The following RSAD2 variants were observed in gnomAD, a reference collection of about 807,000 sequenced individuals.
The protein encoded by RSAD2 is radical S-adenosyl methionine domain containing 2.
Under a neutral mutation model 37.7 loss-of-function variants are expected in RSAD2, and 38 were observed. The observed-to-expected ratio is 1.01, with a 90% CI of 0.78 to 1.32. RSAD2 has a LOEUF of 1.32. Among genes scored for constraint, RSAD2 ranks in the 40% most tolerant of loss-of-function variants. The pLI is 0.00. For missense variants in RSAD2, 428 were observed against 437.5 expected (o/e 0.98, Z 0.19); for synonymous variants, 163 against 157.4 (o/e 1.04, Z -0.27).
At chr2:6,881,218 C>T (rs56396706) in intron 1 of RSAD2, among the ~76,000 whole-genome samples, 7,654 of 152,134 alleles carry the variant, frequency 0.05, 279 homozygotes, top group Non-Finnish European at 0.082. Context: ...GTTTTGTTTT[C>T]GGGTTATAAT....
chr2:6,890,833 C>T (rs1663615926), intron 4 of RSAD2, among the ~76,000 whole-genome samples: 1 of 152,090 alleles, frequency 6.6e-6, no homozygotes, highest in Non-Finnish European at 1.5e-5. Flanking sequence ...CCTATTAGCA[C>T]AAATTTCATA....
chr2:6,877,645 T>G, upstream of RSAD2: 1 of 612,258 alleles, frequency 1.6e-6, no homozygotes, highest in East Asian at 2.8e-5. Flanking sequence ...CAGTTTCACA[T>G]GTGGAAAAAT....
chr2:6,891,493 C>A (rs1259138746), intron 4 of RSAD2, among the ~76,000 whole-genome samples: 1 of 152,140 alleles, frequency 6.6e-6, no homozygotes, highest in Non-Finnish European at 1.5e-5. Context: ...ACCGGCCGGG[C>A]GCGGTGGCTC....
intron 1 of RSAD2, among the ~76,000 whole-genome samples, chr2:6,869,350 C>A (rs906176432): frequency 1.3e-5 from 2 of 151,566 alleles, no homozygotes; most frequent in Non-Finnish European, 2.9e-5. Context: ...CTTGAGACAT[C>A]CACACATGCA....
At position 6,886,935 on chromosome 2, in the gene RSAD2, G is replaced by T; in HGVS notation, c.509G>T (p.Gly170Val). ...LIRERWFQNYGEYLDILAISC... is the reference protein window; with the variant it reads ...LIRERWFQNYVEYLDILAISC... ...TTTAAACATGATCATTTTCCCTCAG[G>T]TGAGTATTTGGACATTCTCGCTATC... The change falls in exon 3 of 6, where the codon GGT becomes GTT. Residue 170 changes from glycine to valine, a missense_variant and splice_region_variant. Coordinates refer to ENST00000382040, the MANE Select transcript of RSAD2 (RefSeq NM_080657.5). The T allele has an allele frequency of 6.2e-7, 1 of 1,612,364 alleles. No homozygotes were observed. The highest frequency in any genetic ancestry group is 1.1e-5 in the South Asian group (1 of 91,034).
At chr2:6,881,746 C>G (rs570255292) in intron 1 of RSAD2, among the ~76,000 whole-genome samples, 3 of 151,800 alleles carry the variant, frequency 2.0e-5, no homozygotes, top group Non-Finnish European at 4.4e-5. Context: ...GTCCATCTTC[C>G]TAGAATGCAG....
chr2:6,871,356 G>C (rs930879965), intron 1 of RSAD2, among the ~76,000 whole-genome samples: 2 of 152,112 alleles, frequency 1.3e-5, no homozygotes, highest in Middle Eastern at 3.2e-3. Flanking sequence ...TTAAGAAAAG[G>C]TTCTAAACTA....
At chr2:6,869,647 C>T (rs1369795497) in intron 1 of RSAD2, among the ~76,000 whole-genome samples, 3 of 152,164 alleles carry the variant, frequency 2.0e-5, no homozygotes, top group Non-Finnish European at 4.4e-5. Flanking sequence ...AGGATTGGAA[C>T]ATGCATATCA....
At chr2:6,890,994 T>TA (rs1386387533) in intron 4 of RSAD2, among the ~76,000 whole-genome samples, 3 of 151,952 alleles carry the variant, frequency 2.0e-5, no homozygotes, top group Non-Finnish European at 4.4e-5. Flanking sequence ...ATACAAACTT[T>TA]AAAAAAATTA....
At chr2:6,866,541 A>G (rs748240528) in intron 1 of RSAD2, 87 of 915,120 alleles carry the variant, frequency 9.5e-5, no homozygotes, top group Non-Finnish European at 1.1e-4. Context: ...ACCAAATTGA[A>G]GTTTCCTGCA....
chr2:6,886,918 T>C lies in RSAD2; in HGVS notation c.509-17T>C. ...GTCCTTGGATAGAAAAGTTTAAACA[T>C]GATCATTTTCCCTCAGGTGAGTATT... On this transcript the variant is annotated splice_polypyrimidine_tract_variant and intron_variant, in intron 2 of 5. Transcript: ENST00000382040. 1 of 1,600,782 alleles carries C rather than the reference T, an allele frequency of 6.2e-7. No individual in the cohort carries two copies. The highest frequency in any genetic ancestry group is 8.6e-7 in the Non-Finnish European group (1 of 1,168,234).
chr2:6,893,968 G>A (rs1003210517), intron 5 of RSAD2, among the ~76,000 whole-genome samples: 1 of 152,210 alleles, frequency 6.6e-6, no homozygotes, highest in Non-Finnish European at 1.5e-5. Flanking sequence ...TGTCTGCCAT[G>A]TAACTATGCA....
At chr2:6,892,365 C>G (rs1558338474) in intron 4 of RSAD2, among the ~76,000 whole-genome samples, 1 of 152,170 alleles carries the variant, frequency 6.6e-6, no homozygotes, top group Non-Finnish European at 1.5e-5. Flanking sequence ...AGGTTTTCCT[C>G]TATGCACTAT....
At chr2:6,868,965 G>A (rs185297414) in intron 1 of RSAD2, among the ~76,000 whole-genome samples, 12 of 152,312 alleles carry the variant, frequency 7.9e-5, no homozygotes, top group African/African-American at 2.6e-4. Flanking sequence ...TTGCACAAAC[G>A]TCAAGATTAA....
chr2:6,893,746 T>C, intron 5 of RSAD2, 43 bp downstream of exon 5: 2 of 1,351,136 alleles, frequency 1.5e-6, no homozygotes, highest in East Asian at 2.3e-5. Flanking sequence ...CTTAATTAAT[T>C]AATTAGCAGT....
At chr2:6,878,822 A>G in intron 1 of RSAD2, 1 of 1,206,994 alleles carries the variant, frequency 8.3e-7, no homozygotes, top group Non-Finnish European at 1.1e-6. Flanking sequence ...TTCCTAGAGT[A>G]CCTTCTCAAC....
intron 1 of RSAD2, among the ~76,000 whole-genome samples, chr2:6,882,010 A>AT (rs1663415973): frequency 6.6e-6 from 1 of 152,250 alleles, no homozygotes; most frequent in South Asian, 2.1e-4. Context: ...TGCAAGAGAC[A>AT]TGTTTTCTTC....
upstream of RSAD2, among the ~76,000 whole-genome samples, chr2:6,876,435 G>A (rs1211603416): frequency 2.0e-5 from 3 of 152,178 alleles, no homozygotes; most frequent in Admixed American, 2.0e-4. Context: ...GGGGAACCAA[G>A]TTAACCCAAA....
intron 5 of RSAD2, among the ~76,000 whole-genome samples, chr2:6,894,405 T>C (rs1421667320): frequency 6.6e-6 from 1 of 152,220 alleles, no homozygotes; most frequent in African/African-American, 2.4e-5. Flanking sequence ...GAATTCCATA[T>C]TTAAATTGGA....
Sources: gnomAD v4.1 joint callset for allele counts (sites outside exome capture counted in the v4.1 genomes callset) on GRCh38, gnomAD v4.1.1 for gene constraint, MANE v1.5 for transcripts, NCBI Gene and HGNC (gene_info 2026-07-23, HGNC 2026-07-21) for gene names.